GATAD2A: variants seen among roughly 807,000 people sequenced by gnomAD.
GATAD2A encodes the protein transcriptional repressor p66-alpha.
A neutral mutation model predicts 68.5 loss-of-function variants in GATAD2A; 12 were observed. That is an observed-to-expected ratio of 0.18 (90% CI 0.11 to 0.28). The LOEUF is 0.28. Ranked by LOEUF, GATAD2A falls within the 10% of genes least tolerant of loss-of-function variation. The pLI is 1.00. For synonymous variants in GATAD2A, 410 were observed against 375.3 expected, an observed-to-expected ratio of 1.09 and a Z score of -1.07; for missense variants, 755 against 868.5, an observed-to-expected ratio of 0.87 and a Z score of 1.64.
intron 9 of GATAD2A, among the ~76,000 whole-genome samples, chr19:19,501,763 C>G (rs909186593): frequency 6.6e-6 from 1 of 152,152 alleles, no homozygotes; most frequent in South Asian, 2.1e-4. Flanking sequence ...CTTCTCCTTC[C>G]CACCCTCTTG....
At chr19:19,465,058 C>T (rs1600201689) in intron 1 of GATAD2A, 1 of 528,526 alleles carries the variant, frequency 1.9e-6, no homozygotes, top group Non-Finnish European at 3.4e-6. Flanking sequence ...TCCTGTTCAG[C>T]ACCCTGCTGC....
chr19:19,410,534 G>A (rs1028097880), intron 1 of GATAD2A, among the ~76,000 whole-genome samples: 2 of 152,240 alleles, frequency 1.3e-5, no homozygotes, highest in African/African-American at 4.8e-5. Flanking sequence ...AGGACCTGGC[G>A]CTGCGTGGCC....
intron 1 of GATAD2A, among the ~76,000 whole-genome samples, chr19:19,426,267 G>A (rs1023600270): frequency 1.3e-5 from 2 of 152,120 alleles, no homozygotes; most frequent in Non-Finnish European, 2.9e-5. Context: ...GTGTATTTGG[G>A]ATGTCTCTGG....
chr19:19,436,892 A>T (rs1297511171), intron 1 of GATAD2A, among the ~76,000 whole-genome samples: 1 of 152,186 alleles, frequency 6.6e-6, no homozygotes, highest in East Asian at 1.9e-4. Context: ...CATGGGCCAG[A>T]GTTGGCAGGT....
intron 2 of GATAD2A, among the ~76,000 whole-genome samples, chr19:19,484,871 G>T: frequency 6.6e-6 from 1 of 152,196 alleles, no homozygotes; most frequent in East Asian, 1.9e-4. Flanking sequence ...TTGAAGGCAG[G>T]TAGAGAGACT....
chr19:19,465,111 T>C (rs1316506768), intron 1 of GATAD2A: 16 of 585,990 alleles, frequency 2.7e-5, no homozygotes, highest in Non-Finnish European at 3.6e-5. Flanking sequence ...GCTCCACCAA[T>C]GTTCAGCCAC....
intron 1 of GATAD2A, among the ~76,000 whole-genome samples, chr19:19,386,706 C>G (rs80295578): frequency 1.3e-5 from 2 of 152,038 alleles, no homozygotes; most frequent in Non-Finnish European, 2.9e-5. Flanking sequence ...TCTAGGCGAC[C>G]CTGCTTCTCT....
At chr19:19,405,563 T>G (rs1409009399), upstream of GATAD2A, among the ~76,000 whole-genome samples, 1 of 151,772 alleles carries the variant, frequency 6.6e-6, no homozygotes, top group Non-Finnish European at 1.5e-5. Context: ...GGGCGGTGCT[T>G]CCGGGGCGGT....
chr19:19,433,869 G>A (rs557881063), intron 1 of GATAD2A, among the ~76,000 whole-genome samples: 1 of 152,172 alleles, frequency 6.6e-6, no homozygotes, highest in Non-Finnish European at 1.5e-5. Context: ...CCTGGGCTCA[G>A]GTGATCCTCC....
intron 2 of GATAD2A, 41 bp from the exon 3 acceptor site, chr19:19,492,265 C>G (rs778924728): frequency 6.4e-7 from 1 of 1,574,168 alleles, no homozygotes; most frequent in African/African-American, 1.4e-5. Flanking sequence ...CTGGGTCCAG[C>G]TGTCAAGGGC....
chr19:19,475,968 G>A (rs1398696697), intron 2 of GATAD2A, among the ~76,000 whole-genome samples: 1 of 152,216 alleles, frequency 6.6e-6, no homozygotes, highest in African/African-American at 2.4e-5. Context: ...GCATGAGCCG[G>A]CCCGGTGCCA....
At chr19:19,440,967 CTTTCCTTCCTTTCCTTCCT>C (rs1568287876) in intron 1 of GATAD2A, among the ~76,000 whole-genome samples, 28 of 121,418 alleles carry the variant, frequency 2.3e-4, no homozygotes, top group African/African-American at 7.6e-4. Context: ...TCTTCCTTCC[CTTTCCTTCCTTTCCTTCCT>C]TTCCTTCCCT....
intron 1 of GATAD2A, among the ~76,000 whole-genome samples, chr19:19,420,690 T>C (rs1232042360): frequency 6.6e-6 from 1 of 151,960 alleles, no homozygotes; most frequent in African/African-American, 2.4e-5. Flanking sequence ...GGTGTGGATA[T>C]CGGCGGTAGT....
intron 1 of GATAD2A, among the ~76,000 whole-genome samples, chr19:19,463,315 TAGTG>T (rs1352003052): frequency 2.6e-5 from 4 of 152,184 alleles, no homozygotes; most frequent in South Asian, 4.1e-4. Context: ...GACAACCTGT[TAGTG>T]AGCAGTTCAG....
At position 19,506,866 on chromosome 19, in the gene GATAD2A, C is replaced by T. The variant is rs2060888478; in HGVS notation, c.*1392C>T. The T allele has an allele frequency of 6.6e-6, 1 of 152,158 alleles. No individual in the cohort carries two copies. Among genetic ancestry groups the T allele is most frequent in the Non-Finnish European group, 1.5e-5 (1 of 68,022 alleles). 9.4% of individuals were successfully genotyped at this position (152,158 alleles called of 1,614,324 possible). Reference sequence around the variant, plus strand: ...TCCACTGGTTCCAATTGAGCTCCAGCCCTGGTTTTCCTACCCATGCAGTTA... The same window carrying T: ...TCCACTGGTTCCAATTGAGCTCCAGTCCTGGTTTTCCTACCCATGCAGTTA... On this transcript the variant is annotated 3_prime_UTR_variant, in exon 12 of 12. Coordinates refer to ENST00000683918, the MANE Select transcript of GATAD2A (RefSeq NM_001384528.1).
chr19:19,488,236 G>GCC (rs2059570338), intron 2 of GATAD2A, among the ~76,000 whole-genome samples: 1 of 152,170 alleles, frequency 6.6e-6, no homozygotes, highest in Admixed American at 6.5e-5. Context: ...CTACAGCCTT[G>GCC]CCCCCACCTG....
At chr19:19,423,993 G>A (rs1409675527) in intron 1 of GATAD2A, among the ~76,000 whole-genome samples, 1 of 152,122 alleles carries the variant, frequency 6.6e-6, no homozygotes, top group African/African-American at 2.4e-5. Context: ...CATGATCATG[G>A]GTCACTGTAA....
At chr19:19,429,116 C>A in intron 1 of GATAD2A, 1 of 838,644 alleles carries the variant, frequency 1.2e-6, no homozygotes, top group Non-Finnish European at 1.4e-6. Flanking sequence ...CTCCTCCGTG[C>A]CCACGTGGGT....
At chr19:19,496,402 C>T (rs1711847244) in intron 7 of GATAD2A, among the ~76,000 whole-genome samples, 183 bp downstream of exon 7, 1 of 152,138 alleles carries the variant, frequency 6.6e-6, no homozygotes, top group Admixed American at 6.5e-5. Flanking sequence ...CTGTCTGGGT[C>T]GTGGGCAGAA....
Sources: gnomAD v4.1 joint callset for allele counts (sites outside exome capture counted in the v4.1 genomes callset) on GRCh38, gnomAD v4.1.1 for gene constraint, MANE v1.5 for transcripts, NCBI Gene and HGNC (gene_info 2026-07-23, HGNC 2026-07-21) for gene names.